THBS3: variants seen among roughly 807,000 people sequenced by gnomAD.
The protein encoded by THBS3 is thrombospondin-3.
A neutral mutation model predicts 118.3 loss-of-function variants in THBS3; 78 were observed. That is an observed-to-expected ratio of 0.66 (90% CI 0.55 to 0.80). The LOEUF (loss-of-function observed/expected upper bound fraction) is 0.80, where lower values mean the gene tolerates loss of function less well. Among genes scored for constraint, THBS3 ranks in the 30% least tolerant of loss-of-function variants. THBS3 has a pLI of 0.00. For missense variants in THBS3, 1,057 were observed against 1,247.4 expected (o/e 0.85, Z 2.30); for synonymous variants, 427 against 475.3 (o/e 0.90, Z 1.32).
chr1:155,203,663 G>A lies in THBS3; in HGVS notation c.647-124C>T, dbSNP rs531276549. 10 of 1,234,840 alleles carry A rather than the reference G, an allele frequency of 8.1e-6. No individual in the cohort carries two copies. The Admixed American group carries it at 2.0e-4, about 25-fold the overall frequency. 76.5% of individuals were successfully genotyped at this position (1,234,840 alleles called of 1,614,324 possible). ...TGGAGCCCCAGAATAAAGATGGGGT[G>A]CTGGATGCTGGGAGGGCAGAGCTGG... On this transcript the variant is annotated intron_variant, in intron 4 of 22. Transcript: ENST00000368378.
chr1:155,203,714 A>G (rs1269557555), intron 4 of THBS3, among the ~76,000 whole-genome samples, 175 bp from the exon 5 acceptor site: 1 of 152,206 alleles, frequency 6.6e-6, no homozygotes, highest in Non-Finnish European at 1.5e-5. Context: ...AGCTCCTTCT[A>G]TGGGGCAAAA....
intron 1 of THBS3, 90 bp downstream of exon 1, chr1:155,207,708 C>T: frequency 1.5e-6 from 2 of 1,370,542 alleles, no homozygotes; most frequent in East Asian, 2.3e-5. Context: ...CTCTTCCCCT[C>T]TCCCCTTGCC....
chr1:155,197,748 ATG>A lies in THBS3; in HGVS notation c.2303-91_2303-90del. 2 of 1,590,116 alleles carry A rather than the reference ATG, an allele frequency of 1.3e-6. No homozygotes were observed. The highest frequency in any genetic ancestry group is 1.7e-6 in the Non-Finnish European group (2 of 1,160,822). On this transcript the variant is annotated intron_variant, in intron 19 of 22. Transcript: ENST00000368378. The surrounding 1 kb of genome is among the most constrained non-coding windows in gnomAD (Gnocchi z 5.0). The stretch of plus-strand genomic sequence containing the variant: ...AGTTGGGAAGGGATGCCTGCTATGT[ATG>A]TGGCCAGCTTGTGCCACTGCCTTCT...
chr1:155,197,031 C>G lies in THBS3; in HGVS notation c.2672+10G>C, dbSNP rs369663324. The stretch of plus-strand genomic sequence containing the variant: ...TGAGTCCCACAGGTGGGCTCAGCCC[C>G]TCTCCTTACCGAATGTAGCCAACTT... On this transcript the variant is annotated intron_variant, in intron 21 of 22. Coordinates refer to ENST00000368378, the MANE Select transcript of THBS3 (RefSeq NM_007112.5). This position sits in a 1 kb window ranked among gnomAD's most constrained non-coding sequence, Gnocchi z 5.0. 4.3e-6 allele frequency: 7 copies of G among 1,612,362 alleles called. No homozygotes were observed. The highest frequency in any genetic ancestry group is 5.9e-6 in the Non-Finnish European group (7 of 1,178,778).
chr1:155,204,856 T>C lies in THBS3; in HGVS notation c.645A>G (p.Ala215=), dbSNP rs1670313085. The C allele has an allele frequency of 6.2e-7, 1 of 1,613,718 alleles. No individual in the cohort carries two copies. The highest frequency in any genetic ancestry group is 8.5e-7 in the Non-Finnish European group (1 of 1,179,924). ...PFQGDESIHS[A]VTNALHSILG... ...TCAGCAAACAAGTCTCTGTGTTACC[T>C]GCACTGTGGATGGACTCGTCCCCTT... Residue 215 remains alanine, a splice_region_variant and synonymous_variant, in exon 4 of 23, where the codon GCA becomes GCG. Transcript: ENST00000368378.
chr1:155,201,041 C>G lies in THBS3; in HGVS notation c.1441-37G>C, dbSNP rs781163222. The G allele has an allele frequency of 1.4e-5, 23 of 1,614,216 alleles. No homozygotes were observed. The South Asian group carries it at 2.3e-4, about 16-fold the overall frequency. On this transcript the variant is annotated intron_variant, in intron 12 of 22. Transcript: ENST00000368378. The stretch of plus-strand genomic sequence containing the variant: ...GGGAAGAGGATGGATGAGTTCTGGC[C>G]TGACCCAGCTTGGGCTCCCCACTAC...
intron 4 of THBS3, 47 bp from the exon 5 acceptor site, chr1:155,203,586 G>A: frequency 6.2e-7 from 1 of 1,608,768 alleles, no homozygotes; most frequent in South Asian, 1.1e-5. Flanking sequence ...GTGAAGTGAA[G>A]AGAGGCCTGG....
In THBS3 at chr1:155,202,842, G is replaced by A. The variant is rs1170660545; in HGVS notation, c.927C>T (p.Gly309=). The A allele has an allele frequency of 6.2e-7, 1 of 1,613,260 alleles. No homozygotes were observed. The highest frequency in any genetic ancestry group is 8.5e-7 in the Non-Finnish European group (1 of 1,179,908). The change falls in exon 8 of 23, where the codon GGC becomes GGT. Residue 309 remains glycine, a synonymous_variant. Transcript: ENST00000368378. This position sits in a 1 kb window ranked among gnomAD's most constrained non-coding sequence, Gnocchi z 5.5. The stretch of plus-strand genomic sequence containing the variant: ...TGATGTCACTGCAGTGGGTGCCGTT[G>A]CCCTGCAGGCCAGGGGGGCAGGGCC... ...RCGPCPPGLQ[G]NGTHCSDINE...
Position 155,204,948 on chromosome 1 carries a change from C to G in THBS3, c.553G>C (p.Glu185Gln). 3 of 1,613,956 alleles carry G rather than the reference C, an allele frequency of 1.9e-6. No individual in the cohort carries two copies. Among genetic ancestry groups the G allele is most frequent in the South Asian group, 1.1e-5 (1 of 91,074 alleles). The change falls in exon 4 of 23, where the codon GAA becomes CAA. Residue 185 changes from glutamate (E) to glutamine (Q), a missense_variant. By Grantham distance (29) the Glu-to-Gln change is conservative. Transcript: ENST00000368378. ...KAYLRMQGFV[E>Q]SMKIILGGSM... ...CCACCCAGAATAATTTTCATAGATT[C>G]CACAAAGCCCTGGGGGGATAGCAGC... is the stretch of plus-strand genomic sequence containing the variant.
rs1557855319 is a variant in THBS3, at chr1:155,197,654, T to C, written c.2308A>G (p.Thr770Ala). Residue 770 changes from threonine (T) to alanine (A), a missense_variant, in exon 20 of 23, where the codon ACG becomes GCG. Around this residue, in one of 3 missense-constraint regions of THBS3, gnomAD observed 307 missense variants for 326.1 expected, o/e 0.94. Coordinates refer to ENST00000368378, the MANE Select transcript of THBS3 (RefSeq NM_007112.5). This position sits in a 1 kb window ranked among gnomAD's most constrained non-coding sequence, Gnocchi z 5.0. ...NSDPGLAVGY[T>A]AFNGVDFEGT... ...TCAAAGTCCACACCATTGAAGGCCG[T>C]GTATCCTGGGGTGGGGGTGGGATAA... The C allele has an allele frequency of 6.2e-7, 1 of 1,609,534 alleles. No individual in the cohort carries two copies. The highest frequency in any genetic ancestry group is 1.1e-5 in the South Asian group (1 of 90,912).
intron 6 of THBS3, 29 bp from the exon 7 acceptor site, chr1:155,203,166 T>C: frequency 1.9e-6 from 3 of 1,614,176 alleles, no homozygotes; most frequent in Non-Finnish European, 2.5e-6. Context: ...GAGTCAGCAC[T>C]TGACATCTGC....
chr1:155,199,806 G>A lies in THBS3; in HGVS notation c.1878C>T (p.Asp626=). 6.2e-7 allele frequency: 1 copy of A among 1,614,170 alleles called. No homozygotes were observed. Among genetic ancestry groups the A allele is most frequent in the East Asian group, 2.2e-5 (1 of 44,888 alleles). The stretch of plus-strand genomic sequence containing the variant: ...GCGTCTCTTGACCAAGACCTTACCT[G>A]TCTTCATTAGTATCACAGACATCCC... The part of the protein sequence containing the change: ...LVGDVCDTNE[D]SDGDGHQDTK... Residue 626 remains aspartate, a splice_region_variant and synonymous_variant, in exon 16 of 23, where the codon GAC becomes GAT. Coordinates refer to ENST00000368378, the MANE Select transcript of THBS3 (RefSeq NM_007112.5).
chr1:155,199,721 C>T lies in THBS3; in HGVS notation c.1880+83G>A, dbSNP rs932144109. On this transcript the variant is annotated intron_variant, in intron 16 of 22. Transcript: ENST00000368378. ...AGTGAGCCAAGATCGTGCCACTGTA[C>T]TCCAGCCTAGGTGACAGAGCAAGAC... 8.0e-5 allele frequency: 120 copies of T among 1,504,568 alleles called. 1 individual carries two copies. Among genetic ancestry groups the T allele is most frequent in the East Asian group, 3.2e-4 (14 of 44,364 alleles). 93.2% of individuals were successfully genotyped at this position (1,504,568 alleles called of 1,614,324 possible). A position where few individuals can be genotyped will look rare whatever the true frequency, so the allele number is the denominator to read the frequency against.
chr1:155,202,125 C>T lies in THBS3; in HGVS notation c.1099-91G>A. ...CTGGTATGGCCTTATCTGTGAACAT[C>T]AACATTAAGCCCAGACCCAAAGCCG... On this transcript the variant is annotated intron_variant, in intron 9 of 22. Coordinates refer to ENST00000368378, the MANE Select transcript of THBS3 (RefSeq NM_007112.5). The surrounding 1 kb of genome is among the most constrained non-coding windows in gnomAD (Gnocchi z 5.5). 6.2e-7 allele frequency: 1 copy of T among 1,607,306 alleles called. No individual in the cohort carries two copies. Among genetic ancestry groups the T allele is most frequent in the Admixed American group, 1.7e-5 (1 of 59,762 alleles).
upstream of THBS3, chr1:155,208,756 G>T: frequency 7.0e-7 from 1 of 1,427,778 alleles, no homozygotes. Flanking sequence ...TGTTTCCATG[G>T]CGACAGGCGG....
chr1:155,203,850 T>G (rs974433412), intron 4 of THBS3, among the ~76,000 whole-genome samples: 38 of 152,064 alleles, frequency 2.5e-4, no homozygotes, highest in African/African-American at 8.9e-4. Context: ...CATTTTTTTT[T>G]TTTTTGAGTC....
Position 155,198,598 on chromosome 1 carries a change from C to T in THBS3, c.1885G>A (p.Gly629Arg), listed in dbSNP as rs757393682. The T allele has an allele frequency of 6.2e-7, 1 of 1,613,764 alleles. No individual in the cohort carries two copies. The highest frequency in any genetic ancestry group is 1.1e-5 in the South Asian group (1 of 91,060). Residue 629 changes from glycine to arginine, a missense_variant, in exon 17 of 23, where the codon GGG becomes AGG. Around this residue, in one of 3 missense-constraint regions of THBS3, gnomAD observed 544 missense variants for 715.6 expected, o/e 0.76. Transcript: ENST00000368378. ...TCCTTGGTGTCCTGATGCCCATCCC[C>T]ATCGCTAATCAGAAGAACAGGTACC... ...DVCDTNEDSDGDGHQDTKDNC... is the reference protein window; with the variant it reads ...DVCDTNEDSDRDGHQDTKDNC...
chr1:155,208,713 C>CA, upstream of THBS3: 1 of 701,942 alleles, frequency 1.4e-6, no homozygotes, highest in Non-Finnish European at 2.1e-6. Flanking sequence ...CCCAGCCCGG[C>CA]CTCCGCTCCG....
Position 155,202,475 on chromosome 1 carries a change from C to T in THBS3, c.958-74G>A. 1 of 1,572,924 alleles carries T rather than the reference C, an allele frequency of 6.4e-7. No homozygotes were observed. The highest frequency in any genetic ancestry group is 1.2e-5 in the South Asian group (1 of 84,980). ...CAGGTCCCTGCCTGTGATCCAGGAA[C>T]CATTGCTCCAGGTCTCCCCTTTGTG... On this transcript the variant is annotated intron_variant, in intron 8 of 22. Coordinates refer to ENST00000368378, the MANE Select transcript of THBS3 (RefSeq NM_007112.5). The surrounding 1 kb of genome is among the most constrained non-coding windows in gnomAD (Gnocchi z 5.5).
Sources: allele counts gnomAD v4.1 joint callset (sites outside exome capture counted in the v4.1 genomes callset), GRCh38; gene constraint gnomAD v4.1.1; regional missense constraint gnomAD v4.1.1; non-coding constraint Gnocchi (gnomAD v3.1); transcripts MANE v1.5; gene names NCBI Gene and HGNC (gene_info 2026-07-23, HGNC 2026-07-21).